Variants in BTBD9 observed in about 807,000 individuals in gnomAD.
The protein encoded by BTBD9 is BTB domain containing 9, also known as BTB/POZ domain-containing protein 9.
Under a neutral mutation model 64.3 loss-of-function variants are expected in BTBD9, and 49 were observed. The ratio of observed to expected loss-of-function variants is 0.76; its 90% CI spans 0.61 to 0.97. The LOEUF (loss-of-function observed/expected upper bound fraction) is 0.97, where lower values mean the gene tolerates loss of function less well. Among genes scored for constraint, BTBD9 ranks in the 50% least tolerant of loss-of-function variants. The pLI is 0.00. For synonymous variants in BTBD9, 260 were observed against 274.7 expected (o/e 0.95, Z 0.53); for missense variants, 598 against 762.1 (o/e 0.78, Z 2.53).
intron 1 of BTBD9, among the ~76,000 whole-genome samples, chr6:38,626,230 C>G (rs547386258): frequency 8.5e-4 from 130 of 152,174 alleles, no homozygotes; most frequent in African/African-American, 3.0e-3. Flanking sequence ...GTTTTGATAC[C>G]AGCGTGCAAT....
chr6:38,265,167 T>C (rs1164742049), intron 8 of BTBD9, among the ~76,000 whole-genome samples: 2 of 151,984 alleles, frequency 1.3e-5, no homozygotes, highest in Non-Finnish European at 2.9e-5. Flanking sequence ...GTGTGGCATA[T>C]GTAGTTTCTG....
chr6:38,591,165 T>C (rs528676205), intron 4 of BTBD9, among the ~76,000 whole-genome samples: 5 of 152,196 alleles, frequency 3.3e-5, no homozygotes, highest in Non-Finnish European at 7.3e-5. Context: ...TCCAATCTAG[T>C]TTCCAAGACT....
At chr6:38,331,989 C>G (rs1427203963) in intron 7 of BTBD9, among the ~76,000 whole-genome samples, 2 of 152,028 alleles carry the variant, frequency 1.3e-5, no homozygotes, top group East Asian at 1.9e-4. Flanking sequence ...TTAAACAAGC[C>G]AAAAAATGGT....
rs559327967 is a variant in BTBD9 at position 38,392,793 on chromosome 6, T to C, written c.1155-47700A>G. ...CACCAAAAAATATAGAGTTAATTTA[T>C]AAAGCACAAAAATAAAGAAAAATAT... On this transcript the variant is annotated intron_variant, in intron 6 of 10. Transcript: ENST00000481247. Among the ~76,000 whole-genome samples the C allele has an allele frequency of 2.7e-5, 4 of 150,322 alleles. No individual in the cohort carries two copies. In the South Asian group the frequency reaches 8.4e-4, roughly 31 times the overall value.
rs869155666 is a variant in BTBD9, at chr6:38,171,846, C to CAAAAAAAAAAAAAAAAAAAAAAA, written c.*3116_*3138dup. Reference sequence around the variant, plus strand: ...TCCAATGAAGTTGCCTTTCTACTCTCAAAAAAAAAAAAAAAAAAAAAAAAA... The same window carrying CAAAAAAAAAAAAAAAAAAAAAAA: ...TCCAATGAAGTTGCCTTTCTACTCTCAAAAAAAAAAAAAAAAAAAAAAAAAAAAAAAAAAAAAAAAAAAAAAAA... On this transcript the variant is annotated 3_prime_UTR_variant, in exon 11 of 11. Transcript: ENST00000481247. 5 of 79,202 alleles carry CAAAAAAAAAAAAAAAAAAAAAAA rather than the reference C, an allele frequency of 6.3e-5. No homozygotes were observed. Among genetic ancestry groups the CAAAAAAAAAAAAAAAAAAAAAAA allele is most frequent in the Non-Finnish European group, 1.1e-4 (5 of 45,698 alleles). 4.9% of individuals were successfully genotyped at this position (79,202 alleles called of 1,614,324 possible).
At position 38,374,292 on chromosome 6, in the gene BTBD9, T is replaced by TATACAC. The variant is rs1554143539; in HGVS notation, c.1155-29200_1155-29199insGTGTAT. Among the ~76,000 whole-genome samples the TATACAC allele has an allele frequency of 6.1e-4, 47 of 77,494 alleles. 3 individuals are homozygous for TATACAC. The highest frequency in any genetic ancestry group is 3.5e-3 in the African/African-American group (40 of 11,426). The allele number at this position is 77,494 out of a possible 152,430, so 50.8% of individuals were successfully genotyped here. On this transcript the variant is annotated intron_variant, in intron 6 of 10. Coordinates refer to ENST00000481247, the MANE Select transcript of BTBD9 (RefSeq NM_001099272.2). ...TCGAAAAAAAAAAAAAGTATATATA[T>TATACAC]ATATGTATATATATGTATATATATA...
chr6:38,303,250 T>C (rs1046728075), intron 7 of BTBD9, among the ~76,000 whole-genome samples: 2 of 152,184 alleles, frequency 1.3e-5, no homozygotes, highest in African/African-American at 2.4e-5. Context: ...CCATGTTTTC[T>C]TCTAGTAGTT....
chr6:38,231,659 C>G (rs748359057), intron 9 of BTBD9, among the ~76,000 whole-genome samples: 2 of 152,160 alleles, frequency 1.3e-5, no homozygotes, highest in Non-Finnish European at 2.9e-5. Context: ...ATAAAAGAGG[C>G]TAGAATGGCC....
intron 6 of BTBD9, among the ~76,000 whole-genome samples, chr6:38,463,365 T>A (rs1279118018): frequency 1.3e-5 from 2 of 152,254 alleles, no homozygotes; most frequent in East Asian, 3.8e-4. Context: ...GGATGCCTTT[T>A]ACTTCTCTTC....
intron 6 of BTBD9, among the ~76,000 whole-genome samples, chr6:38,572,687 T>C (rs988935860): frequency 6.6e-6 from 1 of 152,006 alleles, no homozygotes. Context: ...TAAATGACTT[T>C]AATCAACTGA....
At chr6:38,620,847 T>C (rs781748793) in intron 1 of BTBD9, among the ~76,000 whole-genome samples, 8 of 151,992 alleles carry the variant, frequency 5.3e-5, no homozygotes, top group Non-Finnish European at 1.2e-4. Context: ...TATACTCTAA[T>C]CAAGGAGACC....
intron 10 of BTBD9, chr6:38,179,578 C>T (rs1463657903): frequency 6.6e-6 from 3 of 456,736 alleles, no homozygotes; most frequent in Non-Finnish European, 1.3e-5. Context: ...GCCCACAGCG[C>T]AGCTCCTGCC....
chr6:38,478,098 T>C (rs1479864260), intron 6 of BTBD9, among the ~76,000 whole-genome samples: 1 of 152,148 alleles, frequency 6.6e-6, no homozygotes, highest in Non-Finnish European at 1.5e-5. Flanking sequence ...GGAAGCAGCA[T>C]GTGGTCAATA....
intron 6 of BTBD9, among the ~76,000 whole-genome samples, chr6:38,430,380 C>G (rs1768391796): frequency 6.6e-6 from 1 of 151,366 alleles, no homozygotes; most frequent in African/African-American, 2.4e-5. Context: ...CCACACCACA[C>G]CCAACTTATG....
chr6:38,462,523 G>A (rs558060650), intron 6 of BTBD9, among the ~76,000 whole-genome samples: 1 of 152,196 alleles, frequency 6.6e-6, no homozygotes, highest in African/African-American at 2.4e-5. Flanking sequence ...CTACTATACT[G>A]TTTTGAGTAA....
At chr6:38,506,956 A>G (rs561247245) in intron 6 of BTBD9, among the ~76,000 whole-genome samples, 2 of 152,282 alleles carry the variant, frequency 1.3e-5, no homozygotes, top group East Asian at 3.9e-4. Flanking sequence ...TATGGCCATA[A>G]AAACCTCCTG....
At chr6:38,400,780 G>T (rs1446024755) in intron 6 of BTBD9, among the ~76,000 whole-genome samples, 1 of 152,184 alleles carries the variant, frequency 6.6e-6, no homozygotes. Flanking sequence ...CATGCTCACT[G>T]TAACAACTTT....
At position 38,236,865 on chromosome 6, in the gene BTBD9, C is replaced by T. The variant is rs139157112; in HGVS notation, c.1562+19544G>A. On this transcript the variant is annotated intron_variant, in intron 9 of 10. Coordinates refer to ENST00000481247, the MANE Select transcript of BTBD9 (RefSeq NM_001099272.2). ...AGGAAGAAAACAATAGCTCCCCAAA[C>T]CCACAGTCATTGAATGTTGTGTCCA... Among the ~76,000 whole-genome samples, 276 of 152,312 alleles carry T rather than the reference C, an allele frequency of 1.8e-3. 4 individuals are homozygous for T. In the East Asian group the frequency reaches 0.032, roughly 17 times the overall value.
intron 9 of BTBD9, among the ~76,000 whole-genome samples, chr6:38,246,481 G>A (rs1273765954): frequency 6.9e-6 from 1 of 145,162 alleles, no homozygotes; most frequent in Non-Finnish European, 1.5e-5. Flanking sequence ...TGTGTGTATT[G>A]TCTAAAATCT....
Sources: gnomAD v4.1 joint callset for allele counts (sites outside exome capture counted in the v4.1 genomes callset) on GRCh38, gnomAD v4.1.1 for gene constraint, MANE v1.5 for transcripts, NCBI Gene and HGNC (gene_info 2026-07-23, HGNC 2026-07-21) for gene names.